The following SUGCT variants were observed in gnomAD, a reference collection of about 807,000 sequenced individuals.
SUGCT encodes succinyl-CoA:glutarate-CoA transferase.
In SUGCT, 41 loss-of-function variants were observed where a neutral mutation model predicts 55.0. The ratio of observed to expected loss-of-function variants is 0.74; its 90% CI spans 0.58 to 0.97. The LOEUF (loss-of-function observed/expected upper bound fraction) is 0.97. Among genes scored for constraint, SUGCT ranks in the 50% least tolerant of loss-of-function variants. The pLI is 0.00. For missense variants in SUGCT, 568 were observed against 547.8 expected (o/e 1.04, Z -0.37); for synonymous variants, 187 against 200.4 (o/e 0.93, Z 0.56).
chr7:40,252,387 G>A (rs1445073505), intron 7 of SUGCT, among the ~76,000 whole-genome samples: 2 of 152,046 alleles, frequency 1.3e-5, no homozygotes, highest in East Asian at 3.9e-4. Flanking sequence ...CCAAAGTGCT[G>A]GGATTACAGG....
At chr7:40,363,129 G>C (rs1798234505) in intron 9 of SUGCT, among the ~76,000 whole-genome samples, 2 of 152,036 alleles carry the variant, frequency 1.3e-5, no homozygotes, top group South Asian at 4.2e-4. Flanking sequence ...TCTGATGGTA[G>C]TTTGTATTTC....
intron 12 of SUGCT, among the ~76,000 whole-genome samples, chr7:40,532,992 A>T (rs1300137615): frequency 6.6e-6 from 1 of 152,168 alleles, no homozygotes; most frequent in African/African-American, 2.4e-5. Context: ...AGGCTACTAA[A>T]TCCCTTTATA....
intron 12 of SUGCT, among the ~76,000 whole-genome samples, chr7:40,565,987 A>G (rs573436845): frequency 4.3e-5 from 4 of 94,062 alleles, no homozygotes; most frequent in African/African-American, 2.1e-4. Flanking sequence ...ACACACACAC[A>G]CACACGCACA....
intron 9 of SUGCT, among the ~76,000 whole-genome samples, chr7:40,324,631 C>G (rs1795939446): frequency 6.6e-6 from 1 of 152,130 alleles, no homozygotes; most frequent in Non-Finnish European, 1.5e-5. Context: ...AAATCCTATC[C>G]TATTTCTATA....
chr7:40,948,739 A>G, the SUGCT span, among the ~76,000 whole-genome samples: 1 of 151,834 alleles, frequency 6.6e-6, no homozygotes, highest in Non-Finnish European at 1.5e-5. Flanking sequence ...TTTGCTGAGA[A>G]TGATGATTTC....
chr7:40,810,068 T>C (rs1043912970), intron 13 of SUGCT, among the ~76,000 whole-genome samples: 1 of 152,156 alleles, frequency 6.6e-6, no homozygotes, highest in Non-Finnish European at 1.5e-5. Flanking sequence ...TTTGCTATTG[T>C]GAATAGTTCT....
At chr7:41,015,745 C>T in the SUGCT span, among the ~76,000 whole-genome samples, 2 of 152,208 alleles carry the variant, frequency 1.3e-5, no homozygotes, top group Non-Finnish European at 2.9e-5. Flanking sequence ...ACTCTTCCTA[C>T]AGTGTGGGCA....
intron 12 of SUGCT, among the ~76,000 whole-genome samples, chr7:40,717,693 A>ATATC (rs1415194876): frequency 6.6e-6 from 1 of 152,220 alleles, no homozygotes; most frequent in African/African-American, 2.4e-5. Flanking sequence ...AAATTATAGC[A>ATATC]TATCTATGTC....
intron 9 of SUGCT, among the ~76,000 whole-genome samples, chr7:40,329,932 C>T (rs935880240): frequency 6.6e-6 from 1 of 152,134 alleles, no homozygotes; most frequent in Non-Finnish European, 1.5e-5. Context: ...AGAGAGATTC[C>T]TGGGAATGAT....
chr7:40,938,550 C>T, the SUGCT span, among the ~76,000 whole-genome samples: 1 of 151,934 alleles, frequency 6.6e-6, no homozygotes, highest in Non-Finnish European at 1.5e-5. Context: ...TTTTTGGTTA[C>T]ATGAATGAAT....
At chr7:40,202,160 A>G (rs1473140226) in intron 6 of SUGCT, among the ~76,000 whole-genome samples, 2 of 152,022 alleles carry the variant, frequency 1.3e-5, no homozygotes, top group African/African-American at 4.8e-5. Context: ...TTTGGTAGAG[A>G]TGGGGTTTCA....
the SUGCT span, among the ~76,000 whole-genome samples, chr7:40,972,322 G>C: frequency 6.6e-6 from 1 of 152,110 alleles, no homozygotes; most frequent in Non-Finnish European, 1.5e-5. Context: ...TCAGGTCTGG[G>C]ATTCGATTTT....
At chr7:40,539,899 G>A (rs920552878) in intron 12 of SUGCT, among the ~76,000 whole-genome samples, 4 of 152,114 alleles carry the variant, frequency 2.6e-5, no homozygotes, top group African/African-American at 9.7e-5. Flanking sequence ...CTATTTTCCA[G>A]GTCTTGAAGT....
the SUGCT span, among the ~76,000 whole-genome samples, chr7:40,875,176 T>A: frequency 0.12 from 17,935 of 152,280 alleles, 1,123 homozygotes; most frequent in Admixed American, 0.17. Flanking sequence ...ACACATCTTT[T>A]GTATTCTGCT....
intron 12 of SUGCT, among the ~76,000 whole-genome samples, chr7:40,504,129 G>C (rs1311581335): frequency 6.6e-6 from 1 of 152,088 alleles, no homozygotes; most frequent in Admixed American, 6.5e-5. Context: ...CATTTATAAA[G>C]GTACTTATAA....
chr7:40,520,926 A>G (rs1455300076), intron 12 of SUGCT, among the ~76,000 whole-genome samples: 1 of 152,132 alleles, frequency 6.6e-6, no homozygotes, highest in Non-Finnish European at 1.5e-5. Flanking sequence ...ATACTTTCTA[A>G]TATTGTTTCT....
chr7:40,767,777 T>C (rs938164628), intron 13 of SUGCT, among the ~76,000 whole-genome samples: 2 of 152,190 alleles, frequency 1.3e-5, no homozygotes, highest in African/African-American at 2.4e-5. Flanking sequence ...TCCTTCTGGA[T>C]AGCAGGGCCT....
chr7:41,000,425 C>T, the SUGCT span, among the ~76,000 whole-genome samples: 2 of 151,574 alleles, frequency 1.3e-5, no homozygotes, highest in Admixed American at 1.3e-4. Flanking sequence ...TAGTCCAAGG[C>T]TATGTAATTA....
intron 7 of SUGCT, among the ~76,000 whole-genome samples, chr7:40,254,218 T>C (rs949967108): frequency 1.3e-5 from 2 of 152,172 alleles, no homozygotes; most frequent in Non-Finnish European, 2.9e-5. Flanking sequence ...AGAGTGCTAG[T>C]GAAAGATTTC....
Sources: allele counts gnomAD v4.1 joint callset (sites outside exome capture counted in the v4.1 genomes callset), GRCh38; gene constraint gnomAD v4.1.1; transcripts MANE v1.5; gene names NCBI Gene and HGNC (gene_info 2026-07-23, HGNC 2026-07-21).